Variants in STRIP1 observed in about 807,000 individuals in gnomAD.
The protein encoded by STRIP1 is striatin-interacting protein 1.
A neutral mutation model predicts 106.2 loss-of-function variants in STRIP1; 63 were observed. That is an observed-to-expected ratio of 0.59 (90% CI 0.48 to 0.73). The LOEUF (loss-of-function observed/expected upper bound fraction) is 0.73, where lower values mean the gene tolerates loss of function less well. Ranked by LOEUF, STRIP1 falls within the 30% of genes least tolerant of loss-of-function variation. The pLI, the probability that STRIP1 is intolerant of heterozygous loss-of-function variation, is 0.00. For missense variants in STRIP1, 857 were observed against 1,074.8 expected (o/e 0.80, Z 2.83); for synonymous variants, 390 against 413.0 (o/e 0.94, Z 0.67).
intron 15 of STRIP1, among the ~76,000 whole-genome samples, chr1:110,048,881 A>G (rs1286444986): frequency 1.3e-5 from 2 of 152,186 alleles, no homozygotes; most frequent in Non-Finnish European, 2.9e-5. Flanking sequence ...AGGCAGAGAA[A>G]CAGACTGAGA....
At chr1:110,046,574 C>G in intron 12 of STRIP1, 106 bp from the exon 13 acceptor site, 4 of 969,060 alleles carry the variant, frequency 4.1e-6, no homozygotes, top group Non-Finnish European at 6.6e-6. Flanking sequence ...AATCCTCTTT[C>G]AGAAGACTGT....
chr1:110,039,018 A>G, intron 3 of STRIP1, 154 bp from the exon 4 acceptor site: 1 of 931,354 alleles, frequency 1.1e-6, no homozygotes, highest in South Asian at 1.8e-5. Flanking sequence ...TTTGGAATCA[A>G]ATTCATAGAG....
chr1:110,041,503 C>T (rs756130734), intron 6 of STRIP1, 33 bp from the exon 7 acceptor site: 1 of 1,551,394 alleles, frequency 6.4e-7, no homozygotes, highest in Non-Finnish European at 8.9e-7. Context: ...ACCCCCCCAT[C>T]CCACTCCATT....
rs755227856 is a variant in STRIP1 at position 110,053,708 on chromosome 1, C to T, written c.2310C>T (p.Ala770=). The change falls in exon 21 of 21, where the codon GCC becomes GCT. Residue 770 remains alanine (A), a synonymous_variant. Transcript: ENST00000369795. The stretch of plus-strand genomic sequence containing the variant: ...GGGACTTCCAGGCAGAGGAGTGTGC[C>T]CTTCGTGCCAACATTGAACGCTTCA... ...RPWDFQAEEC[A]LRANIERFNA... 3.1e-6 allele frequency: 5 copies of T among 1,613,968 alleles called. No homozygotes were observed. The highest frequency in any genetic ancestry group is 4.2e-6 in the Non-Finnish European group (5 of 1,180,022).
At position 110,047,533 on chromosome 1, in the gene STRIP1, T is replaced by C; in HGVS notation, c.1489-9T>C. On this transcript the variant is annotated splice_polypyrimidine_tract_variant and intron_variant, in intron 13 of 20. Transcript: ENST00000369795. Reference sequence around the variant, plus strand: ...TGGGGTTTTATGCTTGTACTCATTATGTTAAAAGGGAGAAGAAGAAGTTGA... The same window carrying C: ...TGGGGTTTTATGCTTGTACTCATTACGTTAAAAGGGAGAAGAAGAAGTTGA... The C allele has an allele frequency of 6.2e-7, 1 of 1,608,608 alleles. No individual in the cohort carries two copies. Among genetic ancestry groups the C allele is most frequent in the Non-Finnish European group, 8.5e-7 (1 of 1,176,994 alleles).
Position 110,044,870 on chromosome 1 carries a change from C to G in STRIP1, c.1317C>G (p.Ser439=), listed in dbSNP as rs763285886. Residue 439 remains serine, a synonymous_variant, in exon 11 of 21, where the codon TCC becomes TCG. Transcript: ENST00000369795. The part of the protein sequence containing the change: ...REKDIEMFLE[S]SRSKFIGYTL... Reference sequence around the variant, plus strand: ...AAGACATTGAGATGTTCCTTGAGTCCAGCCGCAGCAAATTTATAGGTTACA... The same window carrying G: ...AAGACATTGAGATGTTCCTTGAGTCGAGCCGCAGCAAATTTATAGGTTACA... 6.2e-7 allele frequency: 1 copy of G among 1,614,112 alleles called. No homozygotes were observed. The highest frequency in any genetic ancestry group is 8.5e-7 in the Non-Finnish European group (1 of 1,180,040).
At chr1:110,033,323 T>C (rs78639945), upstream of STRIP1, among the ~76,000 whole-genome samples, 3,334 of 152,156 alleles carry the variant, frequency 0.022, 37 homozygotes, top group Middle Eastern at 0.078. Flanking sequence ...CAGGCTCCTG[T>C]GAGTCCTCTG....
rs1176229557 is a variant in STRIP1 at position 110,046,688 on chromosome 1, C to A, written c.1425C>A (p.Tyr475Ter). 6.2e-7 allele frequency: 1 copy of A among 1,613,268 alleles called. No homozygotes were observed. The highest frequency in any genetic ancestry group is 8.5e-7 in the Non-Finnish European group (1 of 1,179,500). ...ESIKTLKQHK[Y>*]TSIAEVQAQM... The stretch of plus-strand genomic sequence containing the variant: ...CCCATCTCTCCCACCAGCACAAGTA[C>A]ACGTCGATTGCAGAGGTCCAGGCAC... The change falls in exon 13 of 21, where the codon TAC becomes TAA. Residue 475 changes from tyrosine to a stop codon, truncating the protein, a stop_gained. Transcript: ENST00000369795. LOFTEE classifies it high-confidence loss of function.
chr1:110,031,828 T>C (rs2101757070), upstream of STRIP1, among the ~76,000 whole-genome samples: 1 of 152,294 alleles, frequency 6.6e-6, no homozygotes, highest in Middle Eastern at 3.4e-3. Context: ...TCTAGATCTG[T>C]ATATTCTGTC....
chr1:110,040,102 G>A (rs1000364380), intron 5 of STRIP1, among the ~76,000 whole-genome samples: 2 of 152,232 alleles, frequency 1.3e-5, no homozygotes, highest in African/African-American at 4.8e-5. Flanking sequence ...AGGAAACTAA[G>A]GCGCAGTTAG....
intron 12 of STRIP1, among the ~76,000 whole-genome samples, chr1:110,046,271 G>A (rs1317687332): frequency 6.6e-6 from 1 of 152,150 alleles, no homozygotes; most frequent in Non-Finnish European, 1.5e-5. Flanking sequence ...AGGCCAAGGT[G>A]GGTGGATCAC....
At chr1:110,039,076 G>C (rs1652631589) in intron 3 of STRIP1, 96 bp from the exon 4 acceptor site, 1 of 1,415,944 alleles carries the variant, frequency 7.1e-7, no homozygotes, top group East Asian at 2.3e-5. Flanking sequence ...TATCTTTCTG[G>C]TCCTATGGCA....
At chr1:110,047,749 T>C (rs749301447) in intron 14 of STRIP1, 23 bp from the exon 15 acceptor site, 3 of 1,556,316 alleles carry the variant, frequency 1.9e-6, no homozygotes, top group Non-Finnish European at 2.6e-6. Context: ...CAGACCTGTG[T>C]CTGAATGGTC....
At position 110,050,323 on chromosome 1, in the gene STRIP1, G is replaced by T; in HGVS notation, c.1890-20G>T. 4 of 1,613,908 alleles carry T rather than the reference G, an allele frequency of 2.5e-6. No individual in the cohort carries two copies. Among genetic ancestry groups the T allele is most frequent in the Non-Finnish European group, 3.4e-6 (4 of 1,179,788 alleles). ...GGGCCTTTGCTCATGGTGGGCATCT[G>T]GTTCCTCTCCCCTCTGCAGCATTTC... On this transcript the variant is annotated intron_variant, in intron 17 of 20. Transcript: ENST00000369795.
chr1:110,050,522 G>A, intron 18 of STRIP1, 113 bp downstream of exon 18: 1 of 1,021,426 alleles, frequency 9.8e-7, no homozygotes, highest in African/African-American at 1.6e-5. Flanking sequence ...TGAAATCACT[G>A]TGGAGTGCCC....
rs767988614 is a variant in STRIP1 at position 110,053,756 on chromosome 1, C to T, written c.2358C>T (p.Ala786=). 1.2e-6 allele frequency: 2 copies of T among 1,614,088 alleles called. No homozygotes were observed. Among genetic ancestry groups the T allele is most frequent in the Non-Finnish European group, 1.7e-6 (2 of 1,180,022 alleles). The change falls in exon 21 of 21, where the codon GCC becomes GCT. Residue 786 remains alanine, a synonymous_variant. Coordinates refer to ENST00000369795, the MANE Select transcript of STRIP1 (RefSeq NM_033088.4). The part of the protein sequence containing the change: ...ERFNARRYDR[A]HSNPDFLPVD... ...TCAACGCCCGGCGCTATGACCGGGC[C>T]CACAGCAACCCTGACTTCCTGCCAG...
intron 12 of STRIP1, among the ~76,000 whole-genome samples, 177 bp from the exon 13 acceptor site, chr1:110,046,503 A>G (rs1472343803): frequency 6.6e-6 from 1 of 152,110 alleles, no homozygotes; most frequent in East Asian, 1.9e-4. Context: ...TCATCTCAAA[A>G]AAATAAAAAT....
intron 11 of STRIP1, 45 bp from the exon 12 acceptor site, chr1:110,044,970 T>G: frequency 6.2e-7 from 1 of 1,613,522 alleles, no homozygotes. Flanking sequence ...GGATCCCAGG[T>G]GATTTGATGT....
chr1:110,045,180 GAA>G (rs1273419602), intron 12 of STRIP1, 102 bp downstream of exon 12: 20 of 1,061,580 alleles, frequency 1.9e-5, no homozygotes, highest in Admixed American at 5.8e-5. Context: ...CTGCCTGCAA[GAA>G]CCTGGGGTAG....
Sources: gnomAD v4.1 joint callset for allele counts (sites outside exome capture counted in the v4.1 genomes callset) on GRCh38, gnomAD v4.1.1 for gene constraint, MANE v1.5 for transcripts, NCBI Gene and HGNC (gene_info 2026-07-23, HGNC 2026-07-21) for gene names.